The following SIPA1L1 variants were observed in gnomAD, a reference collection of about 807,000 sequenced individuals.
SIPA1L1 encodes the protein signal induced proliferation associated 1 like 1, also known as signal-induced proliferation-associated 1-like protein 1.
In SIPA1L1, 26 loss-of-function variants were observed where a neutral mutation model predicts 162.7. That is an observed-to-expected ratio of 0.16 (90% CI 0.12 to 0.22). SIPA1L1 has a LOEUF of 0.22. Ranked by LOEUF, SIPA1L1 falls within the 10% of genes least tolerant of loss-of-function variation. The pLI is 1.00. For missense variants in SIPA1L1, 1,874 were observed against 2,241.0 expected, an observed-to-expected ratio of 0.84 and a Z score of 3.31; for synonymous variants, 829 against 837.4, an observed-to-expected ratio of 0.99 and a Z score of 0.17.
chr14:71,695,503 T>C (rs2081559495), intron 13 of SIPA1L1, among the ~76,000 whole-genome samples: 1 of 152,200 alleles, frequency 6.6e-6, no homozygotes, highest in Non-Finnish European at 1.5e-5. Context: ...GAGAGCAGGG[T>C]AAGAAAAGCA....
At chr14:71,520,599 G>A (rs1302804411) in intron 3 of SIPA1L1, among the ~76,000 whole-genome samples, 1 of 152,082 alleles carries the variant, frequency 6.6e-6, no homozygotes, top group Non-Finnish European at 1.5e-5. Flanking sequence ...TGAACTTTCT[G>A]TAAACGGAAT....
intron 3 of SIPA1L1, among the ~76,000 whole-genome samples, chr14:71,519,771 G>A (rs1733242395): frequency 6.6e-6 from 1 of 152,130 alleles, no homozygotes. Context: ...GTTTGAGTGA[G>A]TTATGATCAT....
intron 9 of SIPA1L1, among the ~76,000 whole-genome samples, chr14:71,660,715 C>A (rs2043439030): frequency 1.3e-5 from 2 of 152,286 alleles, no homozygotes; most frequent in Admixed American, 1.3e-4. Context: ...AGCCACCCAT[C>A]CAAAACCCAG....
At chr14:71,701,358 C>A (rs1355167332) in intron 14 of SIPA1L1, among the ~76,000 whole-genome samples, 2 of 151,712 alleles carry the variant, frequency 1.3e-5, no homozygotes, top group Non-Finnish European at 2.9e-5. Flanking sequence ...GTAGCTGGGA[C>A]TGTAGTGGCC....
intron 9 of SIPA1L1, 55 bp downstream of exon 9, chr14:71,658,491 G>A (rs902403455): frequency 1.6e-5 from 18 of 1,126,468 alleles, no homozygotes; most frequent in African/African-American, 1.4e-4. Context: ...TCCTCTAGAA[G>A]CCTAAGTGGC....
intron 2 of SIPA1L1, among the ~76,000 whole-genome samples, chr14:71,339,814 C>G (rs1276391962): frequency 1.3e-5 from 2 of 152,118 alleles, no homozygotes; most frequent in Non-Finnish European, 2.9e-5. Flanking sequence ...GTGTCAGGCA[C>G]TTTGTGTCAC....
intron 2 of SIPA1L1, among the ~76,000 whole-genome samples, chr14:71,333,265 C>T (rs2034752300): frequency 6.6e-6 from 1 of 152,028 alleles, no homozygotes; most frequent in African/African-American, 2.4e-5. Flanking sequence ...TATGTGTAGT[C>T]GTCTTGGGAT....
chr14:71,679,444 T>G (rs924908765), intron 12 of SIPA1L1, among the ~76,000 whole-genome samples: 1 of 151,980 alleles, frequency 6.6e-6, no homozygotes, highest in Non-Finnish European at 1.5e-5. Flanking sequence ...GCACTAAACA[T>G]GGAAAGGAAT....
intron 2 of SIPA1L1, among the ~76,000 whole-genome samples, chr14:71,505,262 G>A (rs1015332079): frequency 6.6e-6 from 1 of 152,042 alleles, no homozygotes; most frequent in Admixed American, 6.6e-5. Flanking sequence ...GCAGTTCTCT[G>A]TGTAAGATCT....
intron 4 of SIPA1L1, among the ~76,000 whole-genome samples, chr14:71,542,265 TTCTTCTTCC>T (rs1047699826): frequency 3.4e-5 from 5 of 148,064 alleles, no homozygotes; most frequent in Non-Finnish European, 6.0e-5. Flanking sequence ...CCTCTTCTTC[TTCTTCTTCC>T]TCTTCCTCTC....
intron 2 of SIPA1L1, among the ~76,000 whole-genome samples, chr14:71,381,949 T>C (rs912615057): frequency 6.6e-6 from 1 of 152,258 alleles, no homozygotes; most frequent in Admixed American, 6.5e-5. Context: ...AGTTCTGCTT[T>C]ATCCTATTTT....
chr14:71,370,390 CA>C (rs2038772469), intron 2 of SIPA1L1, among the ~76,000 whole-genome samples: 2 of 152,030 alleles, frequency 1.3e-5, no homozygotes, highest in African/African-American at 2.4e-5. Flanking sequence ...TGAATTTTGT[CA>C]AAGGCTTTTT....
chr14:71,427,297 G>A (rs1223284722), intron 2 of SIPA1L1, among the ~76,000 whole-genome samples: 5 of 152,126 alleles, frequency 3.3e-5, no homozygotes, highest in South Asian at 2.1e-4. Context: ...AGTTTTGACA[G>A]AATAACATTC....
chr14:71,704,937 T>C, intron 15 of SIPA1L1: 1 of 653,652 alleles, frequency 1.5e-6, no homozygotes, highest in South Asian at 1.9e-5. Context: ...AAACCAAAAG[T>C]TGATTCTGAA....
intron 4 of SIPA1L1, among the ~76,000 whole-genome samples, chr14:71,566,967 A>G (rs562998525): frequency 9.7e-4 from 148 of 152,376 alleles, no homozygotes; most frequent in African/African-American, 3.4e-3. Flanking sequence ...CTACCTTATC[A>G]GTAACAGTGA....
intron 2 of SIPA1L1, among the ~76,000 whole-genome samples, chr14:71,339,889 A>C (rs1441008871): frequency 6.6e-6 from 1 of 152,192 alleles, no homozygotes; most frequent in Non-Finnish European, 1.5e-5. Flanking sequence ...GAGCCAGGAT[A>C]TTGAGTTCCT....
intron 2 of SIPA1L1, among the ~76,000 whole-genome samples, chr14:71,417,501 A>AAAAAAAAAAAAAAAAAC (rs2042885820): frequency 6.8e-6 from 1 of 146,198 alleles, no homozygotes; most frequent in Non-Finnish European, 1.5e-5. Flanking sequence ...AAAAAAAAAA[A>AAAAAAAAAAAAAAAAAC]AAGAAAATCC....
intron 17 of SIPA1L1, among the ~76,000 whole-genome samples, chr14:71,716,592 T>C (rs1204997): frequency 0.7 from 107,110 of 152,044 alleles, 39,791 homozygotes; most frequent in East Asian, 0.95. Flanking sequence ...GAATTCACAG[T>C]GGTCTCCCCA....
chr14:71,498,672 G>T (rs993219315), intron 2 of SIPA1L1, among the ~76,000 whole-genome samples: 1 of 152,116 alleles, frequency 6.6e-6, no homozygotes, highest in Non-Finnish European at 1.5e-5. Context: ...AGAATTATAT[G>T]GATGCTGTTG....
Sources: allele counts gnomAD v4.1 joint callset (sites outside exome capture counted in the v4.1 genomes callset), GRCh38; gene constraint gnomAD v4.1.1; transcripts MANE v1.5; gene names NCBI Gene and HGNC (gene_info 2026-07-23, HGNC 2026-07-21).